CA10: variants seen among roughly 807,000 people sequenced by gnomAD.
CA10 encodes the protein carbonic anhydrase 10 (inactive).
CA10 carries 14 observed loss-of-function variants against 44.2 expected under a neutral mutation model. The ratio of observed to expected loss-of-function variants is 0.32; its 90% CI spans 0.21 to 0.50. The LOEUF is 0.50. CA10 is among the 20% of genes least tolerant of loss of function. CA10 has a pLI of 0.99. For synonymous variants in CA10, 159 were observed against 141.6 expected, an observed-to-expected ratio of 1.12 and a Z score of -0.87; for missense variants, 350 against 409.7, an observed-to-expected ratio of 0.85 and a Z score of 1.26.
rs534095062 is a variant in CA10, at chr17:52,031,863, G to A, written c.136+40456C>T. Among the ~76,000 whole-genome samples, 291 of 152,244 alleles carry A rather than the reference G, an allele frequency of 1.9e-3. 1 individual carries two copies. The highest frequency in any genetic ancestry group is 3.2e-3 in the Non-Finnish European group (218 of 68,032). On this transcript the variant is annotated intron_variant, in intron 2 of 8. Transcript: ENST00000451037. Reference sequence around the variant, plus strand: ...TTGATAAAAATTAGAAATTGAGAATGTCTGGCTTCCCTGAAAGTTTTGAGA... The same window carrying A: ...TTGATAAAAATTAGAAATTGAGAATATCTGGCTTCCCTGAAAGTTTTGAGA...
intron 6 of CA10, among the ~76,000 whole-genome samples, chr17:51,636,767 T>A (rs1251568757): frequency 7.5e-6 from 1 of 133,514 alleles, no homozygotes; most frequent in Non-Finnish European, 1.6e-5. Flanking sequence ...GCTCAACAAC[T>A]GATTATTTTG....
At chr17:51,849,626 T>C (rs1486247317) in intron 3 of CA10, among the ~76,000 whole-genome samples, 1 of 152,182 alleles carries the variant, frequency 6.6e-6, no homozygotes, top group Non-Finnish European at 1.5e-5. Flanking sequence ...TGCAGGTCTT[T>C]AGTGAGATTA....
intron 3 of CA10, among the ~76,000 whole-genome samples, chr17:51,754,445 ATATC>A (rs1208721739): frequency 5.2e-5 from 6 of 116,312 alleles, no homozygotes; most frequent in African/African-American, 1.9e-4. Context: ...ATATATATAT[ATATC>A]ACGTAAAATA....
chr17:51,813,385 T>C (rs576393911), intron 3 of CA10, among the ~76,000 whole-genome samples: 1 of 152,356 alleles, frequency 6.6e-6, no homozygotes, highest in South Asian at 2.1e-4. Flanking sequence ...CATCAGGCGC[T>C]GGCCTGCCCC....
chr17:51,765,713 GTGTGTGTGTGTA>G (rs1456771399), intron 3 of CA10, among the ~76,000 whole-genome samples: 21 of 146,118 alleles, frequency 1.4e-4, no homozygotes, highest in East Asian at 3.9e-4. Flanking sequence ...GTGTGTGTGT[GTGTGTGTGTGTA>G]TGTGTGTGTG....
intron 3 of CA10, among the ~76,000 whole-genome samples, chr17:51,813,046 C>G (rs1226557476): frequency 6.6e-6 from 1 of 152,096 alleles, no homozygotes; most frequent in Non-Finnish European, 1.5e-5. Flanking sequence ...TTCACTTGGA[C>G]TAAATCGGAT....
intron 4 of CA10, among the ~76,000 whole-genome samples, chr17:51,694,675 A>G (rs549565539): frequency 2.6e-5 from 4 of 151,986 alleles, no homozygotes; most frequent in South Asian, 2.1e-4. Context: ...CCACTTGTCA[A>G]TTTTTGTTTT....
chr17:52,080,315 G>T (rs1388014547), intron 1 of CA10, among the ~76,000 whole-genome samples: 3 of 152,012 alleles, frequency 2.0e-5, no homozygotes, highest in Non-Finnish European at 4.4e-5. Flanking sequence ...AGCTGGGCTT[G>T]GTGGCCGGCG....
intron 2 of CA10, among the ~76,000 whole-genome samples, chr17:51,971,624 A>AT (rs1984283433): frequency 1.3e-5 from 2 of 151,930 alleles, no homozygotes; most frequent in Admixed American, 6.6e-5. Flanking sequence ...TTATTTACTG[A>AT]TTTTTTATTA....
intron 4 of CA10, among the ~76,000 whole-genome samples, chr17:51,711,682 C>T (rs1915947492): frequency 6.6e-6 from 1 of 152,202 alleles, no homozygotes; most frequent in African/African-American, 2.4e-5. Context: ...CTAAGCAAAG[C>T]TTTTGATTTG....
intron 1 of CA10, among the ~76,000 whole-genome samples, chr17:52,110,935 A>G (rs1988776826): frequency 6.6e-6 from 1 of 152,242 alleles, no homozygotes; most frequent in Non-Finnish European, 1.5e-5. Flanking sequence ...GAAAGGCACC[A>G]GAAACACCCA....
intron 3 of CA10, among the ~76,000 whole-genome samples, chr17:51,806,142 G>A (rs1441231497): frequency 6.6e-6 from 1 of 152,164 alleles, no homozygotes; most frequent in Admixed American, 6.5e-5. Flanking sequence ...AGGAGCATTG[G>A]GAGATCACTA....
chr17:51,696,597 A>G (rs904053708), intron 4 of CA10, among the ~76,000 whole-genome samples: 3 of 151,968 alleles, frequency 2.0e-5, no homozygotes, highest in South Asian at 2.1e-4. Context: ...GTTCTGCTCA[A>G]TTTTAGTTAT....
chr17:52,137,067 A>T (rs1380133670), intron 1 of CA10, among the ~76,000 whole-genome samples: 5 of 152,018 alleles, frequency 3.3e-5, no homozygotes, highest in Admixed American at 3.3e-4. Context: ...TACTTATTAA[A>T]TTTTGAAGTT....
chr17:51,901,219 G>T (rs1419587952), intron 3 of CA10, among the ~76,000 whole-genome samples: 2 of 152,020 alleles, frequency 1.3e-5, no homozygotes, highest in African/African-American at 2.4e-5. Flanking sequence ...GCCTGTGGGT[G>T]TTTGATTGCG....
At chr17:52,097,343 T>A (rs894903650) in intron 1 of CA10, among the ~76,000 whole-genome samples, 3 of 152,218 alleles carry the variant, frequency 2.0e-5, no homozygotes, top group African/African-American at 7.2e-5. Context: ...AAATTTTTCA[T>A]ACATTTATGG....
chr17:51,692,125 G>T (rs937545758), intron 4 of CA10, among the ~76,000 whole-genome samples: 4 of 148,104 alleles, frequency 2.7e-5, no homozygotes, highest in Admixed American at 2.6e-4. Flanking sequence ...TCCAGCTCAT[G>T]AGCATGGGAT....
intron 2 of CA10, among the ~76,000 whole-genome samples, chr17:52,053,279 A>C (rs951743710): frequency 4.6e-5 from 7 of 152,132 alleles, no homozygotes; most frequent in Admixed American, 3.9e-4. Flanking sequence ...AGAGGAAATC[A>C]TACCAGCTTC....
At chr17:52,063,197 T>A (rs1422240413) in intron 2 of CA10, among the ~76,000 whole-genome samples, 1 of 152,256 alleles carries the variant, frequency 6.6e-6, no homozygotes, top group African/African-American at 2.4e-5. Flanking sequence ...GTTTACCTAA[T>A]GCCTATACAA....
Sources: allele counts gnomAD v4.1 joint callset (sites outside exome capture counted in the v4.1 genomes callset), GRCh38; gene constraint gnomAD v4.1.1; transcripts MANE v1.5; gene names NCBI Gene and HGNC (gene_info 2026-07-23, HGNC 2026-07-21).